Variants in TRAPPC3L observed in about 807,000 individuals in gnomAD.
TRAPPC3L encodes the protein trafficking protein particle complex subunit 3L.
TRAPPC3L carries 23 observed loss-of-function variants against 23.7 expected under a neutral mutation model. That is an observed-to-expected ratio of 0.97 (90% CI 0.70 to 1.37). The LOEUF (loss-of-function observed/expected upper bound fraction) is 1.37. Ranked by LOEUF, TRAPPC3L falls within the 40% of genes most tolerant of loss-of-function variation. TRAPPC3L has a pLI of 0.00. For missense variants in TRAPPC3L, 212 were observed against 216.8 expected, an observed-to-expected ratio of 0.98 and a Z score of 0.14; for synonymous variants, 81 against 77.9, an observed-to-expected ratio of 1.04 and a Z score of -0.21.
In TRAPPC3L at chr6:116,540,263, A is replaced by T. The variant is rs1773355296; in HGVS notation, c.240+100T>A. On this transcript the variant is annotated intron_variant, in intron 3 of 4. Coordinates refer to ENST00000368602, the MANE Select transcript of TRAPPC3L (RefSeq NM_001139444.3). ...TCTCCTTTCTCAGCACCTAACAATGAATGCAGATGGAACCTGTCCAATCTG... is the reference window on the plus strand; with the variant it reads ...TCTCCTTTCTCAGCACCTAACAATGTATGCAGATGGAACCTGTCCAATCTG... 3 of 1,069,106 alleles carry T rather than the reference A, an allele frequency of 2.8e-6. No homozygotes were observed. In the East Asian group the frequency reaches 7.8e-5, roughly 28 times the overall value. 66.2% of individuals were successfully genotyped at this position (1,069,106 alleles called of 1,614,324 possible).
At chr6:116,535,156 A>G (rs1772999976) in intron 3 of TRAPPC3L, among the ~76,000 whole-genome samples, 1 of 152,234 alleles carries the variant, frequency 6.6e-6, no homozygotes, top group Non-Finnish European at 1.5e-5. Flanking sequence ...ATTTATGATT[A>G]TAATTCAATG....
intron 3 of TRAPPC3L, among the ~76,000 whole-genome samples, chr6:116,501,288 G>C (rs1340205028): frequency 3.3e-5 from 5 of 152,190 alleles, no homozygotes; most frequent in Non-Finnish European, 5.9e-5. Context: ...AAGCTTGGCG[G>C]GGGGAGGGGT....
At position 116,501,710 on chromosome 6, in the gene TRAPPC3L, G is replaced by A. The variant is rs532134063; in HGVS notation, c.241-1044C>T. On this transcript the variant is annotated intron_variant, in intron 3 of 4. Transcript: ENST00000368602. ...AATTATCTGCTGTTCTGCAGCCTCC[G>A]CTGGTGATACCCAGGCAAACAGAGT... is the stretch of plus-strand genomic sequence containing the variant. Among the ~76,000 whole-genome samples the A allele has an allele frequency of 8.6e-4, 131 of 152,302 alleles. 2 individuals are homozygous for A. In the South Asian group the frequency reaches 0.018, roughly 21 times the overall value.
Position 116,495,059 on chromosome 6 carries a change from T to A in TRAPPC3L, c.*1895A>T, listed in dbSNP as rs2115148970. 7.1e-6 allele frequency: 1 copy of A among 140,120 alleles called. No individual in the cohort carries two copies. Among genetic ancestry groups the A allele is most frequent in the South Asian group, 2.5e-4 (1 of 4,056 alleles). The allele number at this position is 140,120 out of a possible 1,614,324, so 8.7% of individuals were successfully genotyped here. A position where few individuals can be genotyped will look rare whatever the true frequency, so the allele number is the denominator to read the frequency against. Reference sequence around the variant, plus strand: ...CTCAAGCAATCCTCCCACTTTGGCATCCCAAAGTGCAGAGATTACAGGCTT... The same window carrying A: ...CTCAAGCAATCCTCCCACTTTGGCAACCCAAAGTGCAGAGATTACAGGCTT... On this transcript the variant is annotated 3_prime_UTR_variant, in exon 5 of 5. Coordinates refer to ENST00000368602, the MANE Select transcript of TRAPPC3L (RefSeq NM_001139444.3).
At chr6:116,511,183 G>GATGTAT (rs1554233703) in intron 3 of TRAPPC3L, among the ~76,000 whole-genome samples, 2 of 141,516 alleles carry the variant, frequency 1.4e-5, no homozygotes, top group African/African-American at 5.2e-5. Flanking sequence ...AAAAGCTATT[G>GATGTAT]ATATATATAT....
rs1771835400 is a variant in TRAPPC3L, at chr6:116,496,531, A to G, written c.*423T>C. The G allele has an allele frequency of 6.5e-6, 1 of 153,656 alleles. No homozygotes were observed. Among genetic ancestry groups the G allele is most frequent in the Non-Finnish European group, 1.4e-5 (1 of 69,160 alleles). The allele number at this position is 153,656 out of a possible 1,614,324, so 9.5% of individuals were successfully genotyped here. A position where few individuals can be genotyped will look rare whatever the true frequency, so the allele number is the denominator to read the frequency against. On this transcript the variant is annotated 3_prime_UTR_variant, in exon 5 of 5. Coordinates refer to ENST00000368602, the MANE Select transcript of TRAPPC3L (RefSeq NM_001139444.3). ...TTATTTAAGGAATGCAATATACAGT[A>G]TCTAGAAACTACTGTCTATATATAG...
In TRAPPC3L at chr6:116,497,036, C is replaced by T. The variant is rs1562334685; in HGVS notation, c.464G>A (p.Arg155Lys). The change falls in exon 5 of 5, where the codon AGA becomes AAA. Residue 155 changes from arginine (R) to lysine (K), a missense_variant. Transcript: ENST00000368602. The part of the protein sequence containing the change: ...LAADVTFLQD[R>K]LKGDSVTEIG... ...TTCTGTCACACTGTCACCTTTTAGTCTGTCTTGCAAGAATGTAACATCAGC... is the reference window on the plus strand; with the variant it reads ...TTCTGTCACACTGTCACCTTTTAGTTTGTCTTGCAAGAATGTAACATCAGC... 5 of 1,547,360 alleles carry T rather than the reference C, an allele frequency of 3.2e-6. No individual in the cohort carries two copies. Among genetic ancestry groups the T allele is most frequent in the South Asian group, 1.2e-5 (1 of 83,310 alleles).
intron 3 of TRAPPC3L, among the ~76,000 whole-genome samples, chr6:116,525,340 C>T (rs964320902): frequency 6.6e-6 from 1 of 152,184 alleles, no homozygotes; most frequent in African/African-American, 2.4e-5. Flanking sequence ...AACAGCTTTT[C>T]ACCTTGGGTT....
At chr6:116,499,399 A>C (rs561928225) in intron 4 of TRAPPC3L, among the ~76,000 whole-genome samples, 1 of 152,302 alleles carries the variant, frequency 6.6e-6, no homozygotes, top group Non-Finnish European at 1.5e-5. Flanking sequence ...CATTTGGTTG[A>C]TAAAGAAATG....
At chr6:116,519,220 A>T (rs1251898450) in intron 3 of TRAPPC3L, 1 of 152,212 alleles carries the variant, frequency 6.6e-6, no homozygotes, top group Non-Finnish European at 1.5e-5. Flanking sequence ...ATTAAAAGGA[A>T]ATCCTCTTAG....
At chr6:116,500,437 G>T in intron 4 of TRAPPC3L, 44 bp downstream of exon 4, 1 of 1,475,584 alleles carries the variant, frequency 6.8e-7, no homozygotes, top group Non-Finnish European at 9.2e-7. Context: ...AGCCTTAGAA[G>T]GACTAAGAGA....
chr6:116,507,940 C>G (rs962232086), intron 3 of TRAPPC3L, among the ~76,000 whole-genome samples: 4 of 152,148 alleles, frequency 2.6e-5, no homozygotes, highest in African/African-American at 4.8e-5. Flanking sequence ...ACTGCCAAGA[C>G]CATGCTATAA....
At chr6:116,527,529 A>C (rs959968694) in intron 3 of TRAPPC3L, among the ~76,000 whole-genome samples, 20 of 151,884 alleles carry the variant, frequency 1.3e-4, no homozygotes, top group Non-Finnish European at 2.4e-4. Context: ...CAAAAAAAAA[A>C]AAAAAAAAAA....
At chr6:116,525,269 T>C (rs1358358311) in intron 3 of TRAPPC3L, among the ~76,000 whole-genome samples, 2 of 152,246 alleles carry the variant, frequency 1.3e-5, no homozygotes, top group Non-Finnish European at 2.9e-5. Context: ...CTCTTGGGAA[T>C]AGAGGTCTAT....
At chr6:116,527,519 C>CCA (rs1554235347) in intron 3 of TRAPPC3L, among the ~76,000 whole-genome samples, 3 of 112,372 alleles carry the variant, frequency 2.7e-5, no homozygotes, top group Non-Finnish European at 5.3e-5. Context: ...CGTCTCAAAA[C>CCA]AAAAAAAAAA....
chr6:116,538,022 G>A (rs1164212338), intron 3 of TRAPPC3L, among the ~76,000 whole-genome samples: 1 of 152,172 alleles, frequency 6.6e-6, no homozygotes, highest in Non-Finnish European at 1.5e-5. Context: ...CCACCTCTGG[G>A]AAGGATTCAT....
chr6:116,545,360 T>A (rs1773718007), intron 1 of TRAPPC3L, 113 bp downstream of exon 1: 1 of 800,450 alleles, frequency 1.2e-6, no homozygotes. Flanking sequence ...CGCTGAACAC[T>A]GTCTTTCCTC....
intron 3 of TRAPPC3L, chr6:116,517,309 A>C (rs1772247430): frequency 6.6e-6 from 1 of 152,122 alleles, no homozygotes. Context: ...CTGGCATAAA[A>C]CTGCATTGCA....
chr6:116,544,017 A>G, intron 1 of TRAPPC3L: 2 of 677,864 alleles, frequency 3.0e-6, no homozygotes, highest in Non-Finnish European at 4.9e-6. Context: ...GGTTTTTCCA[A>G]GAACCTAATA....
Sources: allele counts gnomAD v4.1 joint callset (sites outside exome capture counted in the v4.1 genomes callset), GRCh38; gene constraint gnomAD v4.1.1; transcripts MANE v1.5; gene names NCBI Gene and HGNC (gene_info 2026-07-23, HGNC 2026-07-21).